PIK3CA: variants seen among roughly 807,000 people sequenced by gnomAD.
PIK3CA encodes phosphatidylinositol 4,5-bisphosphate 3-kinase catalytic subunit alpha isoform.
PIK3CA carries 27 observed loss-of-function variants against 138.2 expected under a neutral mutation model. That is an observed-to-expected ratio of 0.20 (90% CI 0.14 to 0.27). The LOEUF (loss-of-function observed/expected upper bound fraction) is 0.27, where lower values mean the gene tolerates loss of function less well. Among genes scored for constraint, PIK3CA ranks in the 10% least tolerant of loss-of-function variants. PIK3CA has a pLI of 1.00. For synonymous variants in PIK3CA, 358 were observed against 413.2 expected, an observed-to-expected ratio of 0.87 and a Z score of 1.62; for missense variants, 544 against 1,277.4, an observed-to-expected ratio of 0.43 and a Z score of 8.75.
chr3:179,206,302 A>AGTT (rs1397675995), intron 6 of PIK3CA, among the ~76,000 whole-genome samples: 2 of 151,858 alleles, frequency 1.3e-5, no homozygotes, highest in African/African-American at 2.4e-5. Context: ...AGGTGATCCC[A>AGTT]CCCACCTTGG....
Position 179,225,961 on chromosome 3 carries a change from G to T in PIK3CA, c.2417-1G>T, listed in dbSNP as rs2108419357. On this transcript the variant is annotated splice_acceptor_variant, in intron 16 of 20. Transcript: ENST00000263967. LOFTEE classifies it high-confidence loss of function. ...GGTGATACATATTATTTGAATTTCAGATTTACGGCAAGATATGCTAACACT... is the reference window on the plus strand; with the variant it reads ...GGTGATACATATTATTTGAATTTCATATTTACGGCAAGATATGCTAACACT... The T allele has an allele frequency of 6.5e-7, 1 of 1,530,312 alleles. No homozygotes were observed. Among genetic ancestry groups the T allele is most frequent in the South Asian group, 1.1e-5 (1 of 87,706 alleles). The allele number at this position is 1,530,312 out of a possible 1,614,324, so 94.8% of individuals were successfully genotyped here.
At position 179,148,447 on chromosome 3, in the gene PIK3CA, G is replaced by C. The variant is rs1722910782; in HGVS notation, c.-233G>C. The C allele has an allele frequency of 6.6e-6, 1 of 150,950 alleles. No homozygotes were observed. The highest frequency in any genetic ancestry group is 2.4e-5 in the African/African-American group (1 of 41,234). The allele number at this position is 150,950 out of a possible 1,614,324, so 9.4% of individuals were successfully genotyped here. On this transcript the variant is annotated 5_prime_UTR_variant, in exon 1 of 21. Transcript: ENST00000263967. The stretch of plus-strand genomic sequence containing the variant: ...GGGCTGGGGCCGCCGGCGAGGCAGG[G>C]CTCGGGCCCGGCCGGGCAGCTCCGG...
intron 17 of PIK3CA, among the ~76,000 whole-genome samples, chr3:179,226,762 T>C (rs1725091804): frequency 6.6e-6 from 1 of 152,092 alleles, no homozygotes; most frequent in African/African-American, 2.4e-5. Flanking sequence ...TATACAAAAA[T>C]GTGTCAGTGA....
At chr3:179,151,652 C>T (rs79136918) in intron 1 of PIK3CA, among the ~76,000 whole-genome samples, 5,642 of 152,232 alleles carry the variant, frequency 0.037, 114 homozygotes, top group Admixed American at 0.041. Context: ...TGTCAAGGAC[C>T]TGTATATTTG....
At chr3:179,201,173 G>A in intron 3 of PIK3CA, 117 bp from the exon 4 acceptor site, 3 of 831,116 alleles carry the variant, frequency 3.6e-6, no homozygotes, top group South Asian at 3.5e-5. Context: ...TTTTAATTGG[G>A]CTGATTAAAA....
intron 1 of PIK3CA, among the ~76,000 whole-genome samples, chr3:179,189,600 G>T (rs1240703703): frequency 6.6e-6 from 1 of 151,738 alleles, no homozygotes; most frequent in South Asian, 2.1e-4. Context: ...AAAAAAAAAT[G>T]TGTTAGCACA....
intron 1 of PIK3CA, among the ~76,000 whole-genome samples, chr3:179,194,216 G>T (rs534957484): frequency 6.6e-6 from 1 of 152,224 alleles, no homozygotes; most frequent in East Asian, 1.9e-4. Context: ...ATACTTCAGA[G>T]AATTTATTTT....
rs147286696 is a variant in PIK3CA, at chr3:179,220,974, C to T, written c.2016-12C>T. 3.2e-3 allele frequency: 5,065 copies of T among 1,580,806 alleles called. 13 individuals are homozygous for T. Among genetic ancestry groups the T allele is most frequent in the Admixed American group, 5.0e-3 (276 of 55,246 alleles). ...ATATATATATATTTTTAATTTTGCA[C>T]GATTCTTTTAGATCTGAGATGCACA... On this transcript the variant is annotated splice_polypyrimidine_tract_variant and intron_variant, in intron 13 of 20. Transcript: ENST00000263967. The surrounding 1 kb of genome is among the most constrained non-coding windows in gnomAD (Gnocchi z 4.1).
In PIK3CA at chr3:179,201,493, G is replaced by T. The variant is rs1423860200; in HGVS notation, c.766G>T (p.Gly256Ter). 6.2e-7 allele frequency: 1 copy of T among 1,610,050 alleles called. No homozygotes were observed. The highest frequency in any genetic ancestry group is 8.5e-7 in the Non-Finnish European group (1 of 1,176,500). The part of the protein sequence containing the change: ...YQGKYILKVC[G>*]CDEYFLEKYP... ...GGGCAAGTATATTTTAAAAGTGTGT[G>T]GATGTGATGAATACTTCCTAGAAAA... Residue 256 changes from glycine (G) to a stop codon, truncating the protein, a stop_gained, in exon 4 of 21, where the codon GGA becomes TGA. Transcript: ENST00000263967. LOFTEE classifies it high-confidence loss of function.
At chr3:179,159,961 T>G (rs1159231428) in intron 1 of PIK3CA, among the ~76,000 whole-genome samples, 1 of 152,146 alleles carries the variant, frequency 6.6e-6, no homozygotes, top group Non-Finnish European at 1.5e-5. Context: ...GTAAAAAATT[T>G]TAAAAATGGT....
chr3:179,186,029 A>G (rs553051278), intron 1 of PIK3CA, among the ~76,000 whole-genome samples: 19 of 152,302 alleles, frequency 1.2e-4, no homozygotes, highest in Admixed American at 9.8e-4. Flanking sequence ...GGTAGGACTA[A>G]AAGCCCCAGT....
At chr3:179,225,821 A>G in intron 16 of PIK3CA, 141 bp from the exon 17 acceptor site, 2 of 510,416 alleles carry the variant, frequency 3.9e-6, no homozygotes, top group South Asian at 5.3e-5. Context: ...TTGAAAAGAA[A>G]TCAGAATATT....
At chr3:179,232,778 G>A (rs1725242183) in intron 20 of PIK3CA, among the ~76,000 whole-genome samples, 1 of 152,028 alleles carries the variant, frequency 6.6e-6, no homozygotes. Context: ...TGTTGTTGGT[G>A]TATAGCAATG....
At chr3:179,212,415 C>T (rs938064065) in intron 9 of PIK3CA, among the ~76,000 whole-genome samples, 2 of 150,672 alleles carry the variant, frequency 1.3e-5, no homozygotes, top group East Asian at 4.2e-4. Context: ...TCAAGACCAG[C>T]CCGGCCAATA....
At chr3:179,164,075 G>A (rs1560124716) in intron 1 of PIK3CA, among the ~76,000 whole-genome samples, 1 of 152,120 alleles carries the variant, frequency 6.6e-6, no homozygotes, top group Non-Finnish European at 1.5e-5. Flanking sequence ...AAATGTTTAT[G>A]AAGAGTTTAC....
rs571808522 is a variant in PIK3CA at position 179,219,158 on chromosome 3, G to A, written c.1665-38G>A. On this transcript the variant is annotated intron_variant, in intron 10 of 20. Transcript: ENST00000263967. The surrounding 1 kb of genome is among the most constrained non-coding windows in gnomAD (Gnocchi z 4.2). ...GACATGTCAACCTTTTGAACAGCAT[G>A]CAAGAATGTTTATGTTTATTTTGTT... The A allele has an allele frequency of 3.2e-6, 4 of 1,268,124 alleles. No individual in the cohort carries two copies. Among genetic ancestry groups the A allele is most frequent in the African/African-American group, 1.5e-5 (1 of 68,080 alleles). 78.6% of individuals were successfully genotyped at this position (1,268,124 alleles called of 1,614,324 possible). A position where few individuals can be genotyped will look rare whatever the true frequency, so the allele number is the denominator to read the frequency against.
chr3:179,172,618 A>G (rs945510255), intron 1 of PIK3CA, among the ~76,000 whole-genome samples: 5 of 152,210 alleles, frequency 3.3e-5, no homozygotes, highest in Non-Finnish European at 7.4e-5. Flanking sequence ...TTAAAAAACC[A>G]TTTACAGTAG....
intron 6 of PIK3CA, among the ~76,000 whole-genome samples, chr3:179,208,772 G>A (rs1724632661): frequency 6.6e-6 from 1 of 151,714 alleles, no homozygotes; most frequent in Admixed American, 6.6e-5. Flanking sequence ...CCTTATGAAT[G>A]TGAAGTTTCA....
chr3:179,170,392 G>A (rs190438176), intron 1 of PIK3CA, among the ~76,000 whole-genome samples: 1 of 152,324 alleles, frequency 6.6e-6, no homozygotes, highest in East Asian at 1.9e-4. Flanking sequence ...GTGAATTCTA[G>A]TGGGGGACAT....
Sources: allele counts gnomAD v4.1 joint callset (sites outside exome capture counted in the v4.1 genomes callset), GRCh38; gene constraint gnomAD v4.1.1; non-coding constraint Gnocchi (gnomAD v3.1); transcripts MANE v1.5; gene names NCBI Gene and HGNC (gene_info 2026-07-23, HGNC 2026-07-21).